VSTM2A: variants seen among roughly 807,000 people sequenced by gnomAD.
VSTM2A encodes the protein V-set and transmembrane domain containing 2A.
A neutral mutation model predicts 27.3 loss-of-function variants in VSTM2A; 13 were observed. The ratio of observed to expected loss-of-function variants is 0.48; its 90% CI spans 0.31 to 0.76. The LOEUF is 0.76. Ranked by LOEUF, VSTM2A falls within the 30% of genes least tolerant of loss-of-function variation. VSTM2A has a pLI of 0.05. For synonymous variants in VSTM2A, 142 were observed against 125.7 expected (o/e 1.13, Z -0.87); for missense variants, 280 against 310.0 (o/e 0.90, Z 0.73).
chr7:54,567,106 A>G lies in VSTM2A; in HGVS notation c.635-2025A>G, dbSNP rs968041483. On this transcript the variant is annotated intron_variant, in intron 4 of 4. Coordinates refer to ENST00000402613, the MANE Select transcript of VSTM2A (RefSeq NM_001301009.2). ...ATCTTTTCATTCAAGACATAAATAA[A>G]AAACAGAAAGGAGAGAAACACAATC... is the stretch of plus-strand genomic sequence containing the variant. Among the ~76,000 whole-genome samples, 12 of 152,338 alleles carry G rather than the reference A, an allele frequency of 7.9e-5. No homozygotes were observed. In the East Asian group the frequency reaches 2.3e-3, roughly 29 times the overall value.
intron 4 of VSTM2A, among the ~76,000 whole-genome samples, chr7:54,554,908 A>G (rs1344033955): frequency 1.3e-5 from 2 of 152,238 alleles, no homozygotes; most frequent in Non-Finnish European, 1.5e-5. Context: ...ATTTTAAGGC[A>G]CTAGGTTGTA....
chr7:54,542,938 G>C, intron 1 of VSTM2A, 129 bp downstream of exon 1: 1 of 870,592 alleles, frequency 1.1e-6, no homozygotes, highest in African/African-American at 1.7e-5. Context: ...TGTATAAATA[G>C]TGTTCTGTTT....
chr7:54,564,443 A>G (rs1252909641), intron 4 of VSTM2A, among the ~76,000 whole-genome samples: 1 of 152,230 alleles, frequency 6.6e-6, no homozygotes, highest in Non-Finnish European at 1.5e-5. Flanking sequence ...TGTGCCCCCT[A>G]TCTAAGCCAA....
At chr7:54,556,137 T>G (rs1788349472) in intron 4 of VSTM2A, among the ~76,000 whole-genome samples, 1 of 152,236 alleles carries the variant, frequency 6.6e-6, no homozygotes, top group Admixed American at 6.5e-5. Flanking sequence ...TCTGTTGCTC[T>G]TATTGTTTCC....
rs1041958103 is a variant in VSTM2A at position 54,547,009 on chromosome 7, G to A, written c.297+12G>A. 2 of 1,583,890 alleles carry A rather than the reference G, an allele frequency of 1.3e-6. No individual in the cohort carries two copies. The highest frequency in any genetic ancestry group is 2.8e-5 in the African/African-American group (2 of 71,444). Reference sequence around the variant, plus strand: ...GGACCAAGATCAGCGTGAGTGCGGGGCGCGCCAAGGGCCGCGGGCCCAGGC... The same window carrying A: ...GGACCAAGATCAGCGTGAGTGCGGGACGCGCCAAGGGCCGCGGGCCCAGGC... On this transcript the variant is annotated intron_variant, in intron 3 of 4. Transcript: ENST00000402613.
At chr7:54,554,110 C>T in intron 4 of VSTM2A, 1 of 1,549,016 alleles carries the variant, frequency 6.5e-7, no homozygotes, top group Non-Finnish European at 8.7e-7. Flanking sequence ...CCAAAGCTGT[C>T]ATGCAAGTCA....
At chr7:54,545,281 G>T (rs879788333) in intron 2 of VSTM2A, among the ~76,000 whole-genome samples, 1 of 151,744 alleles carries the variant, frequency 6.6e-6, no homozygotes, top group Non-Finnish European at 1.5e-5. Flanking sequence ...CAGATATGTG[G>T]GGTGTCGGGG....
rs1198908893 is a variant in VSTM2A, at chr7:54,544,797, G to A, written c.246+9G>A. 4 of 1,590,840 alleles carry A rather than the reference G, an allele frequency of 2.5e-6. No individual in the cohort carries two copies. Among genetic ancestry groups the A allele is most frequent in the East Asian group, 4.6e-5 (2 of 43,706 alleles). On this transcript the variant is annotated intron_variant, in intron 2 of 4. Transcript: ENST00000402613. ...AGGGGGCCGGCGCGCAGGTAGCGGAGCCCGCCGACCCCGCGTCTCCCCTTC... is the reference window on the plus strand; with the variant it reads ...AGGGGGCCGGCGCGCAGGTAGCGGAACCCGCCGACCCCGCGTCTCCCCTTC...
rs1358379798 is a variant in VSTM2A at position 54,568,926 on chromosome 7, A to G, written c.635-205A>G. The stretch of plus-strand genomic sequence containing the variant: ...CCAAGCTGGCGAGCTAATTAAATAT[A>G]TATATGTATGTGTTTAAAACAACCT... On this transcript the variant is annotated intron_variant, in intron 4 of 4. Transcript: ENST00000402613. 68 of 1,446,078 alleles carry G rather than the reference A, an allele frequency of 4.7e-5. 1 individual carries two copies. The South Asian group carries it at 8.0e-4, about 17-fold the overall frequency. The allele number at this position is 1,446,078 out of a possible 1,614,324, so 89.6% of individuals were successfully genotyped here. A position where few individuals can be genotyped will look rare whatever the true frequency, so the allele number is the denominator to read the frequency against.
chr7:54,546,735 G>A (rs1364672599), intron 2 of VSTM2A: 1 of 530,774 alleles, frequency 1.9e-6, no homozygotes, highest in South Asian at 2.5e-5. Context: ...CGGGGACGGC[G>A]TGGGGTATGC....
intron 4 of VSTM2A, chr7:54,558,769 A>T (rs966786684): frequency 1.3e-5 from 2 of 152,114 alleles, no homozygotes; most frequent in African/African-American, 4.8e-5. Context: ...GAGACATATG[A>T]TCACAGTTTA....
chr7:54,562,880 A>G (rs901261120), intron 4 of VSTM2A, among the ~76,000 whole-genome samples: 2 of 152,376 alleles, frequency 1.3e-5, no homozygotes, highest in African/African-American at 2.4e-5. Context: ...TGCGTGATTA[A>G]TAAAGAGAAT....
At chr7:54,548,649 G>T (rs934511159) in intron 3 of VSTM2A, among the ~76,000 whole-genome samples, 1 of 152,128 alleles carries the variant, frequency 6.6e-6, no homozygotes, top group Non-Finnish European at 1.5e-5. Context: ...TTTGTTAGGA[G>T]ATTTAACCCA....
At chr7:54,549,710 T>C in intron 3 of VSTM2A, 124 bp from the exon 4 acceptor site, 2 of 891,584 alleles carry the variant, frequency 2.2e-6, no homozygotes, top group East Asian at 2.7e-5. Context: ...AAAAAGCTCC[T>C]TCACTATGGC....
At chr7:54,544,126 T>C (rs1174704486) in intron 1 of VSTM2A, among the ~76,000 whole-genome samples, 1 of 152,236 alleles carries the variant, frequency 6.6e-6, no homozygotes, top group African/African-American at 2.4e-5. Context: ...GTTTCACTGG[T>C]GTTGCTAATA....
At chr7:54,565,468 G>A (rs1409428899) in intron 4 of VSTM2A, among the ~76,000 whole-genome samples, 2 of 152,322 alleles carry the variant, frequency 1.3e-5, no homozygotes, top group South Asian at 2.1e-4. Flanking sequence ...CAGATGCAGG[G>A]AAAAAATGGT....
chr7:54,545,829 G>T (rs1300196183), intron 2 of VSTM2A, among the ~76,000 whole-genome samples: 1 of 113,220 alleles, frequency 8.8e-6, no homozygotes, highest in Non-Finnish European at 1.8e-5. Flanking sequence ...GGGACAGAGA[G>T]AAGGGGAGGG....
At chr7:54,566,933 A>T (rs1291079866) in intron 4 of VSTM2A, among the ~76,000 whole-genome samples, 1 of 152,214 alleles carries the variant, frequency 6.6e-6, no homozygotes, top group Non-Finnish European at 1.5e-5. Context: ...ATGTTTGATA[A>T]GAAGTAATGG....
rs923171144 is a variant in VSTM2A at position 54,570,706 on chromosome 7, T to G, written c.*1487T>G. 3.3e-5 allele frequency: 5 copies of G among 152,220 alleles called. No homozygotes were observed. The highest frequency in any genetic ancestry group is 7.4e-5 in the Non-Finnish European group (5 of 68,024). The allele number at this position is 152,220 out of a possible 1,614,324, so 9.4% of individuals were successfully genotyped here. A position where few individuals can be genotyped will look rare whatever the true frequency, so the allele number is the denominator to read the frequency against. On this transcript the variant is annotated 3_prime_UTR_variant, in exon 5 of 5. Transcript: ENST00000402613. ...AAAGAAAGATAGGCAGAACTATTAG[T>G]GTTCCATATACATTATGGAATAGAT...
Sources: gnomAD v4.1 joint callset for allele counts (sites outside exome capture counted in the v4.1 genomes callset) on GRCh38, gnomAD v4.1.1 for gene constraint, MANE v1.5 for transcripts, NCBI Gene and HGNC (gene_info 2026-07-23, HGNC 2026-07-21) for gene names.